Variants in SCAPER observed in about 807,000 individuals in gnomAD.
SCAPER encodes the protein S phase cyclin A-associated protein in the endoplasmic reticulum.
SCAPER carries 98 observed loss-of-function variants against 182.2 expected under a neutral mutation model. The observed-to-expected ratio is 0.54, with a 90% CI of 0.46 to 0.64. The LOEUF is 0.64. SCAPER is among the 30% of genes least tolerant of loss of function. The pLI, the probability that SCAPER is intolerant of heterozygous loss-of-function variation, is 0.00. For missense variants in SCAPER, 1,432 were observed against 1,690.0 expected (o/e 0.85, Z 2.68); for synonymous variants, 605 against 564.6 (o/e 1.07, Z -1.01).
At chr15:76,526,499 T>C (rs1363923554) in intron 23 of SCAPER, among the ~76,000 whole-genome samples, 1 of 152,212 alleles carries the variant, frequency 6.6e-6, no homozygotes, top group African/African-American at 2.4e-5. Flanking sequence ...GTGCTAATTC[T>C]TCTTTTCTTT....
chr15:76,506,507 T>C (rs1201285150), intron 23 of SCAPER, among the ~76,000 whole-genome samples: 5 of 152,106 alleles, frequency 3.3e-5, no homozygotes, highest in Non-Finnish European at 5.9e-5. Context: ...TAAAAGGTTC[T>C]CTATGAGAAT....
At chr15:76,432,511 A>G (rs1320000947) in intron 26 of SCAPER, among the ~76,000 whole-genome samples, 1 of 152,254 alleles carries the variant, frequency 6.6e-6, no homozygotes, top group Non-Finnish European at 1.5e-5. Flanking sequence ...TTCTCCTGTT[A>G]ACCAACCATA....
intron 5 of SCAPER, among the ~76,000 whole-genome samples, chr15:76,816,262 A>G (rs1488637060): frequency 6.6e-6 from 1 of 152,226 alleles, no homozygotes; most frequent in Non-Finnish European, 1.5e-5. Context: ...TTAAACTCTG[A>G]CATTTGTAGT....
At chr15:76,714,411 A>G (rs1319078974) in intron 17 of SCAPER, among the ~76,000 whole-genome samples, 1 of 152,190 alleles carries the variant, frequency 6.6e-6, no homozygotes, top group Non-Finnish European at 1.5e-5. Flanking sequence ...TTACATTACT[A>G]AACAATTTGG....
intron 24 of SCAPER, among the ~76,000 whole-genome samples, chr15:76,496,315 T>C (rs2040534059): frequency 6.6e-6 from 1 of 152,086 alleles, no homozygotes; most frequent in Admixed American, 6.5e-5. Flanking sequence ...TTTTCAGTTG[T>C]TTGTAAATAT....
chr15:76,607,189 G>T (rs1231473077), intron 22 of SCAPER, among the ~76,000 whole-genome samples: 1 of 152,196 alleles, frequency 6.6e-6, no homozygotes, highest in Non-Finnish European at 1.5e-5. Flanking sequence ...GCTTCCTTCA[G>T]GAGCTCTTTT....
chr15:76,559,843 A>G (rs2046472243), intron 23 of SCAPER, among the ~76,000 whole-genome samples: 1 of 152,226 alleles, frequency 6.6e-6, no homozygotes, highest in South Asian at 2.1e-4. Flanking sequence ...CCCATGACAC[A>G]AAACTTACCT....
intron 22 of SCAPER, among the ~76,000 whole-genome samples, chr15:76,581,453 A>G (rs1567518828): frequency 6.6e-6 from 1 of 152,224 alleles, no homozygotes; most frequent in Non-Finnish European, 1.5e-5. Flanking sequence ...TAAAAAGATC[A>G]TTCATTGTGA....
chr15:76,717,491 C>T (rs754129822), intron 17 of SCAPER, among the ~76,000 whole-genome samples: 1 of 152,034 alleles, frequency 6.6e-6, no homozygotes, highest in South Asian at 2.1e-4. Flanking sequence ...TTAAGGAATA[C>T]ATAATATAAA....
chr15:76,584,407 T>A (rs2048480917), intron 22 of SCAPER, among the ~76,000 whole-genome samples: 1 of 152,198 alleles, frequency 6.6e-6, no homozygotes, highest in East Asian at 1.9e-4. Flanking sequence ...TAACAGAGTA[T>A]AATTGGATAG....
chr15:76,714,310 C>T (rs1353017339), intron 17 of SCAPER, among the ~76,000 whole-genome samples: 16 of 152,056 alleles, frequency 1.1e-4, no homozygotes, highest in Admixed American at 7.2e-4. Flanking sequence ...TTAGTAAGTG[C>T]TCAGTTATAC....
At chr15:76,639,531 A>C (rs1054918515) in intron 21 of SCAPER, among the ~76,000 whole-genome samples, 1 of 152,220 alleles carries the variant, frequency 6.6e-6, no homozygotes, top group African/African-American at 2.4e-5. Flanking sequence ...GAGTGTTATA[A>C]GTAAATCTAC....
intron 22 of SCAPER, among the ~76,000 whole-genome samples, chr15:76,594,073 C>T (rs1444056164): frequency 8.4e-6 from 1 of 119,274 alleles, no homozygotes; most frequent in African/African-American, 2.5e-5. Flanking sequence ...AAGCTAAGAA[C>T]CTTGAAAAAA....
intron 9 of SCAPER, chr15:76,774,391 C>T (rs1351109769): frequency 5.1e-6 from 2 of 392,708 alleles, no homozygotes; most frequent in Non-Finnish European, 9.9e-6. Flanking sequence ...TAATTCCACA[C>T]TGGATCCTGG....
At chr15:76,526,545 A>G (rs562102274) in intron 23 of SCAPER, among the ~76,000 whole-genome samples, 28 of 152,272 alleles carry the variant, frequency 1.8e-4, no homozygotes, top group Non-Finnish European at 2.4e-4. Context: ...ATAAACATCA[A>G]TGGAGCCCCA....
At chr15:76,617,163 T>C (rs2051567200) in intron 22 of SCAPER, among the ~76,000 whole-genome samples, 1 of 152,216 alleles carries the variant, frequency 6.6e-6, no homozygotes, top group African/African-American at 2.4e-5. Flanking sequence ...TTTGATATAG[T>C]CAAAGTCATC....
At chr15:76,705,648 A>G (rs1424941806) in intron 18 of SCAPER, among the ~76,000 whole-genome samples, 1 of 152,048 alleles carries the variant, frequency 6.6e-6, no homozygotes, top group African/African-American at 2.4e-5. Context: ...AAAAATATTA[A>G]AGATTCTAAA....
chr15:76,748,410 G>C (rs573577137), intron 15 of SCAPER, among the ~76,000 whole-genome samples: 1 of 151,984 alleles, frequency 6.6e-6, no homozygotes, highest in African/African-American at 2.4e-5. Flanking sequence ...CAAAATCTTA[G>C]AAGAAAACAA....
intron 21 of SCAPER, among the ~76,000 whole-genome samples, chr15:76,628,064 G>T (rs1309748555): frequency 1.3e-5 from 2 of 152,186 alleles, no homozygotes; most frequent in Admixed American, 1.3e-4. Flanking sequence ...TTCTTCATAT[G>T]TTTGTTGGCC....
Sources: gnomAD v4.1 joint callset for allele counts (sites outside exome capture counted in the v4.1 genomes callset) on GRCh38, gnomAD v4.1.1 for gene constraint, MANE v1.5 for transcripts, NCBI Gene and HGNC (gene_info 2026-07-23, HGNC 2026-07-21) for gene names.